Variants in ECRG4 observed in about 807,000 individuals in gnomAD.
ECRG4 encodes augurin.
In ECRG4, 18 loss-of-function variants were observed where a neutral mutation model predicts 15.8. The ratio of observed to expected loss-of-function variants is 1.14; its 90% CI spans 0.79 to 1.69. ECRG4 has a LOEUF of 1.69. Among genes scored for constraint, ECRG4 ranks in the 40% most tolerant of loss-of-function variants. The pLI is 0.00. For missense variants in ECRG4, 200 were observed against 190.9 expected, an observed-to-expected ratio of 1.05 and a Z score of -0.28; for synonymous variants, 82 against 73.9, an observed-to-expected ratio of 1.11 and a Z score of -0.56.
intron 1 of ECRG4, among the ~76,000 whole-genome samples, chr2:106,068,537 C>T (rs1048862367): frequency 1.3e-5 from 2 of 152,204 alleles, no homozygotes; most frequent in Non-Finnish European, 2.9e-5. Context: ...GCGAGGCTCT[C>T]ATTTCTGGAG....
chr2:106,065,641 C>A, upstream of ECRG4: 1 of 676,906 alleles, frequency 1.5e-6, no homozygotes, highest in Non-Finnish European at 2.2e-6. Context: ...TGGGTCCCGC[C>A]CCGGCAGCGA....
In ECRG4 at chr2:106,073,875, G is replaced by A; in HGVS notation, c.128-11G>A. 1 of 1,612,218 alleles carries A rather than the reference G, an allele frequency of 6.2e-7. No individual in the cohort carries two copies. Among genetic ancestry groups the A allele is most frequent in the Non-Finnish European group, 8.5e-7 (1 of 1,178,338 alleles). On this transcript the variant is annotated splice_polypyrimidine_tract_variant and intron_variant, in intron 2 of 3. Coordinates refer to ENST00000238044, the MANE Select transcript of ECRG4 (RefSeq NM_032411.3). The stretch of plus-strand genomic sequence containing the variant: ...CTTTGTGCTTTGGGGATGGGGAATT[G>A]ATGATTTCAGCACCTGTTCCAACTA...
chr2:106,072,303 A>T (rs1676387143), intron 2 of ECRG4: 1 of 165,368 alleles, frequency 6.0e-6, no homozygotes, highest in African/African-American at 2.4e-5. Flanking sequence ...GGTTTCAAAC[A>T]GGAAAGCCTT....
intron 1 of ECRG4, among the ~76,000 whole-genome samples, chr2:106,069,341 T>C (rs906698588): frequency 2.0e-5 from 3 of 150,124 alleles, no homozygotes; most frequent in Non-Finnish European, 4.4e-5. Context: ...TTCTTTCTTT[T>C]TTTTTTTTCT....
intron 1 of ECRG4, among the ~76,000 whole-genome samples, chr2:106,070,424 T>C (rs112862845): frequency 0.014 from 2,137 of 152,196 alleles, 42 homozygotes; most frequent in African/African-American, 0.046. Context: ...GGCTAGTAGG[T>C]TAGGTGGCTG....
At position 106,077,770 on chromosome 2, in the gene ECRG4, TGAA is replaced by T. The variant is rs1046357080; in HGVS notation, c.294_296del (p.Glu98del). On this transcript the variant is annotated inframe_deletion, in exon 4 of 4. Coordinates refer to ENST00000238044, the MANE Select transcript of ECRG4 (RefSeq NM_032411.3). The stretch of plus-strand genomic sequence containing the variant: ...TTCTCTCTCTTTTCCTCCAGAAATT[TGAA>T]GATGACATCACCTATTGGCTTAACA... 4 of 1,613,714 alleles carry T rather than the reference TGAA, an allele frequency of 2.5e-6. No individual in the cohort carries two copies. In the African/African-American group the frequency reaches 4.0e-5, roughly 16 times the overall value.
intron 1 of ECRG4, among the ~76,000 whole-genome samples, chr2:106,070,126 T>A (rs1022338780): frequency 1.3e-5 from 2 of 152,024 alleles, no homozygotes; most frequent in African/African-American, 4.8e-5. Context: ...CCTCAAAAAA[T>A]TGGGAGGCCA....
At chr2:106,065,108 A>T (rs879339453), upstream of ECRG4, among the ~76,000 whole-genome samples, 2 of 152,064 alleles carry the variant, frequency 1.3e-5, no homozygotes, top group Non-Finnish European at 2.9e-5. Context: ...CTGAACCCAG[A>T]CTGTGGAATC....
At chr2:106,070,673 C>G (rs546044330) in intron 1 of ECRG4, 2 of 204,972 alleles carry the variant, frequency 9.8e-6, no homozygotes, top group African/African-American at 2.3e-5. Context: ...ACAAAGCAGG[C>G]ATTCTTAATT....
upstream of ECRG4, chr2:106,065,671 C>A (rs1405328408): frequency 2.0e-6 from 2 of 975,732 alleles, no homozygotes; most frequent in Non-Finnish European, 1.4e-6. Context: ...AACCCGCGGC[C>A]GCGCCTGCCC....
chr2:106,077,386 G>A (rs1180361669), intron 3 of ECRG4, among the ~76,000 whole-genome samples: 2 of 152,218 alleles, frequency 1.3e-5, no homozygotes, highest in Non-Finnish European at 2.9e-5. Flanking sequence ...CAGGAATGGG[G>A]TAGGAAGATA....
At chr2:106,076,944 C>T (rs1286768771) in intron 3 of ECRG4, among the ~76,000 whole-genome samples, 1 of 152,214 alleles carries the variant, frequency 6.6e-6, no homozygotes, top group Non-Finnish European at 1.5e-5. Flanking sequence ...CCTTCACCAC[C>T]ACCAAAGAAA....
At chr2:106,073,242 G>A (rs1676409185) in intron 2 of ECRG4, among the ~76,000 whole-genome samples, 1 of 152,214 alleles carries the variant, frequency 6.6e-6, no homozygotes, top group African/African-American at 2.4e-5. Flanking sequence ...AATTGAGACT[G>A]TGATGGAAAG....
At chr2:106,067,072 G>C (rs1203897689) in intron 1 of ECRG4, among the ~76,000 whole-genome samples, 2 of 95,618 alleles carry the variant, frequency 2.1e-5, no homozygotes, top group African/African-American at 3.7e-5. Context: ...GGGGGGGGGG[G>C]GGGCAGATCA....
chr2:106,070,341 G>A (rs759684026), intron 1 of ECRG4, among the ~76,000 whole-genome samples: 1 of 152,180 alleles, frequency 6.6e-6, no homozygotes, highest in Admixed American at 6.5e-5. Flanking sequence ...CAGAGGGCAG[G>A]CCAGCAGGCT....
intron 3 of ECRG4, chr2:106,074,277 T>C (rs1383165202): frequency 4.0e-6 from 2 of 504,436 alleles, no homozygotes; most frequent in African/African-American, 3.8e-5. Context: ...ACGGCAGTCA[T>C]GAACCAAAAC....
At position 106,077,787 on chromosome 2, in the gene ECRG4, A is replaced by C. The variant is rs193020612; in HGVS notation, c.308A>C (p.Tyr103Ser). 16 of 1,613,910 alleles carry C rather than the reference A, an allele frequency of 9.9e-6. No homozygotes were observed. The East Asian group carries it at 3.6e-4, about 36-fold the overall frequency. The change falls in exon 4 of 4, where the codon TAT (tyrosine) becomes TCT (serine). Residue 103 changes from tyrosine (Y) to serine (S), a missense_variant. By Grantham distance (144) the Tyr-to-Ser change is moderately radical (BLOSUM62 -2). Coordinates refer to ENST00000238044, the MANE Select transcript of ECRG4 (RefSeq NM_032411.3). ...DEAKFEDDIT[Y>S]WLNRDRNGHE... ...CAGAAATTTGAAGATGACATCACCT[A>C]TTGGCTTAACAGAGATCGAAATGGA...
chr2:106,063,864 G>A (rs1209755020), upstream of ECRG4, among the ~76,000 whole-genome samples: 2 of 152,214 alleles, frequency 1.3e-5, no homozygotes, highest in African/African-American at 4.8e-5. Flanking sequence ...TTACAGGCGT[G>A]AGCCACCATG....
At chr2:106,071,349 A>AAAAAAAAAAAG (rs1676366428) in intron 1 of ECRG4, among the ~76,000 whole-genome samples, 1 of 137,522 alleles carries the variant, frequency 7.3e-6, no homozygotes, top group Admixed American at 7.6e-5. Flanking sequence ...AAAAAAAAAA[A>AAAAAAAAAAAG]AAAGAAAGAA....
Sources: allele counts gnomAD v4.1 joint callset (sites outside exome capture counted in the v4.1 genomes callset), GRCh38; gene constraint gnomAD v4.1.1; transcripts MANE v1.5; gene names NCBI Gene and HGNC (gene_info 2026-07-23, HGNC 2026-07-21).